The following TAX1BP1 variants were observed in gnomAD, a reference collection of about 807,000 sequenced individuals.
TAX1BP1 encodes the protein tax1-binding protein 1.
TAX1BP1 carries 62 observed loss-of-function variants against 97.7 expected under a neutral mutation model. That is an observed-to-expected ratio of 0.63 (90% CI 0.52 to 0.78). The LOEUF is 0.78. Among genes scored for constraint, TAX1BP1 ranks in the 30% least tolerant of loss-of-function variants. The pLI is 0.00. For missense variants in TAX1BP1, 867 were observed against 916.1 expected (o/e 0.95, Z 0.69); for synonymous variants, 340 against 304.2 (o/e 1.12, Z -1.23).
intron 2 of TAX1BP1, among the ~76,000 whole-genome samples, chr7:27,756,018 C>T (rs1345244849): frequency 2.6e-5 from 4 of 152,134 alleles, no homozygotes; most frequent in African/African-American, 9.7e-5. Flanking sequence ...TTCAGTGTGT[C>T]CTGTAGCATT....
At chr7:27,770,928 T>C (rs918629639) in intron 5 of TAX1BP1, among the ~76,000 whole-genome samples, 2 of 151,944 alleles carry the variant, frequency 1.3e-5, no homozygotes, top group Non-Finnish European at 2.9e-5. Context: ...TTTCCCAGTT[T>C]TACTCCTGGG....
chr7:27,814,056 A>G (rs191764111), intron 13 of TAX1BP1, among the ~76,000 whole-genome samples: 3,604 of 151,534 alleles, frequency 0.024, 72 homozygotes, highest in East Asian at 0.082. Context: ...TCGGCCTCCC[A>G]AAGTGCTGGG....
intron 2 of TAX1BP1, among the ~76,000 whole-genome samples, chr7:27,756,157 C>T (rs576396643): frequency 1.3e-5 from 2 of 152,242 alleles, no homozygotes; most frequent in African/African-American, 4.8e-5. Context: ...TGCATAATTT[C>T]CTGATGTTCA....
At chr7:27,792,512 A>G (rs909402261) in intron 9 of TAX1BP1, among the ~76,000 whole-genome samples, 1 of 152,212 alleles carries the variant, frequency 6.6e-6, no homozygotes, top group Non-Finnish European at 1.5e-5. Context: ...ATTTCTTACT[A>G]GCTGTATAAA....
At position 27,813,699 on chromosome 7, in the gene TAX1BP1, A is replaced by G. The variant is rs73297525; in HGVS notation, c.1765-2650A>G. Among the ~76,000 whole-genome samples, 614 of 152,204 alleles carry G rather than the reference A, an allele frequency of 4.0e-3. 6 individuals carry two copies. Among genetic ancestry groups the G allele is most frequent in the African/African-American group, 0.014 (599 of 41,542 alleles). On this transcript the variant is annotated intron_variant, in intron 13 of 16. Coordinates refer to ENST00000396319, the MANE Select transcript of TAX1BP1 (RefSeq NM_006024.7). ...TGTCCAGGCTTGTCTCAAACAGGCA[A>G]TCCTCCTGCTTTGGCCTCCCAAGTG...
At chr7:27,756,979 AT>A (rs1788243655) in intron 2 of TAX1BP1, among the ~76,000 whole-genome samples, 1 of 152,144 alleles carries the variant, frequency 6.6e-6, no homozygotes. Flanking sequence ...CTTCTATATA[AT>A]TACAAAATAA....
intron 13 of TAX1BP1, among the ~76,000 whole-genome samples, chr7:27,810,852 C>T (rs992009074): frequency 5.9e-5 from 9 of 152,046 alleles, no homozygotes; most frequent in Non-Finnish European, 1.2e-4. Context: ...CTCATATGTT[C>T]TGTATCTTTT....
chr7:27,803,000 G>A (rs915887860), intron 13 of TAX1BP1: 26 of 1,052,848 alleles, frequency 2.5e-5, no homozygotes, highest in Admixed American at 6.2e-5. Flanking sequence ...AAAATACGTG[G>A]ATTTAGTAAT....
chr7:27,757,365 C>G (rs1489231332), intron 2 of TAX1BP1, among the ~76,000 whole-genome samples: 2 of 152,056 alleles, frequency 1.3e-5, no homozygotes, highest in African/African-American at 4.8e-5. Flanking sequence ...ATATAAACAT[C>G]TTGGTGCTAA....
intron 5 of TAX1BP1, among the ~76,000 whole-genome samples, chr7:27,780,588 T>G (rs969464558): frequency 6.6e-6 from 1 of 152,200 alleles, no homozygotes; most frequent in Non-Finnish European, 1.5e-5. Flanking sequence ...AGGCATTTAG[T>G]ATCTAATACA....
chr7:27,753,784 G>C (rs990734998), intron 2 of TAX1BP1, among the ~76,000 whole-genome samples: 1 of 152,038 alleles, frequency 6.6e-6, no homozygotes, highest in Non-Finnish European at 1.5e-5. Flanking sequence ...ATGTGAATGT[G>C]GTTTCTCTCA....
At chr7:27,746,126 TG>T (rs1448237196) in intron 1 of TAX1BP1, among the ~76,000 whole-genome samples, 4 of 152,008 alleles carry the variant, frequency 2.6e-5, no homozygotes, top group Non-Finnish European at 5.9e-5. Context: ...TTTTAGGAAA[TG>T]ATATGTTAAA....
chr7:27,821,691 A>G lies in TAX1BP1; in HGVS notation c.2085+4653A>G, dbSNP rs528531917. On this transcript the variant is annotated intron_variant, in intron 15 of 16. Coordinates refer to ENST00000396319, the MANE Select transcript of TAX1BP1 (RefSeq NM_006024.7). ...TGATAGCTTGAGATATAATTCACAT[A>G]TTATACAATTTGCCATTTAAAGTAT... Among the ~76,000 whole-genome samples, 6 of 152,070 alleles carry G rather than the reference A, an allele frequency of 3.9e-5. No homozygotes were observed. The Middle Eastern group carries it at 0.01, about 260-fold the overall frequency.
chr7:27,818,375 A>T (rs1583408025), intron 15 of TAX1BP1, among the ~76,000 whole-genome samples: 2 of 152,170 alleles, frequency 1.3e-5, no homozygotes, highest in Non-Finnish European at 2.9e-5. Flanking sequence ...GTATATTCAG[A>T]ATTAAAAAAA....
intron 15 of TAX1BP1, among the ~76,000 whole-genome samples, chr7:27,819,626 A>C (rs574273082): frequency 2.6e-5 from 4 of 152,320 alleles, no homozygotes; most frequent in Non-Finnish European, 5.9e-5. Flanking sequence ...CATCCTGATA[A>C]ACCCATCATA....
chr7:27,758,189 G>C, intron 3 of TAX1BP1, 56 bp downstream of exon 3: 1 of 1,326,810 alleles, frequency 7.5e-7, no homozygotes, highest in Non-Finnish European at 1.1e-6. Flanking sequence ...TGCCATTAAA[G>C]ATGTTGTACT....
intron 5 of TAX1BP1, among the ~76,000 whole-genome samples, chr7:27,779,576 A>G (rs1789173322): frequency 6.6e-6 from 1 of 152,234 alleles, no homozygotes; most frequent in Non-Finnish European, 1.5e-5. Context: ...TTTATTACAT[A>G]GCCAATTTAA....
rs751432275 is a variant in TAX1BP1, at chr7:27,794,412, C to G, written c.1500C>G (p.Ala500=). Residue 500 remains alanine (A), a synonymous_variant, in exon 11 of 17, where the codon GCC becomes GCG. Transcript: ENST00000396319. Reference sequence around the variant, plus strand: ...TAAACACAGACCCAGCCACTTCTGCCTCTACTGTAGATGTAAAGCCATCAC... The same window carrying G: ...TAAACACAGACCCAGCCACTTCTGCGTCTACTGTAGATGTAAAGCCATCAC... The part of the protein sequence containing the change: ...ASVNTDPATS[A]STVDVKPSPS... The G allele has an allele frequency of 1.1e-5, 18 of 1,612,072 alleles. No homozygotes were observed. The highest frequency in any genetic ancestry group is 1.4e-5 in the Non-Finnish European group (17 of 1,179,090).
At position 27,828,858 on chromosome 7, in the gene TAX1BP1, T is replaced by C. The variant is rs1168012657; in HGVS notation, c.*29T>C. The C allele has an allele frequency of 3.0e-6, 4 of 1,346,654 alleles. No individual in the cohort carries two copies. The highest frequency in any genetic ancestry group is 4.1e-6 in the Non-Finnish European group (4 of 987,032). 83.4% of individuals were successfully genotyped at this position (1,346,654 alleles called of 1,614,324 possible). On this transcript the variant is annotated 3_prime_UTR_variant, in exon 17 of 17. Transcript: ENST00000396319. ...CTTTTTATTATGAGTTAATATAGTT[T>C]AGCAGTAAAAAAAAAAAAAAAAACC... is the stretch of plus-strand genomic sequence containing the variant.
Sources: allele counts gnomAD v4.1 joint callset (sites outside exome capture counted in the v4.1 genomes callset), GRCh38; gene constraint gnomAD v4.1.1; transcripts MANE v1.5; gene names NCBI Gene and HGNC (gene_info 2026-07-23, HGNC 2026-07-21).